The following NYAP2 variants were observed in gnomAD, a reference collection of about 807,000 sequenced individuals.
The protein encoded by NYAP2 is neuronal tyrosine-phosphorylated phosphoinositide-3-kinase adapter 2.
NYAP2 carries 23 observed loss-of-function variants against 50.4 expected under a neutral mutation model. That is an observed-to-expected ratio of 0.46 (90% CI 0.33 to 0.65). The LOEUF (loss-of-function observed/expected upper bound fraction) is 0.65, where lower values mean the gene tolerates loss of function less well. NYAP2 is among the 30% of genes least tolerant of loss of function. The pLI, the probability that NYAP2 is intolerant of heterozygous loss-of-function variation, is 0.02. For synonymous variants in NYAP2, 394 were observed against 365.2 expected (o/e 1.08, Z -0.90); for missense variants, 885 against 861.0 (o/e 1.03, Z -0.35).
chr2:225,574,309 G>A (rs1174057687), intron 4 of NYAP2, among the ~76,000 whole-genome samples: 1 of 152,158 alleles, frequency 6.6e-6, no homozygotes, highest in African/African-American at 2.4e-5. Flanking sequence ...TAGAGGAAGG[G>A]GAGGAACATA....
At chr2:225,690,373 T>A in the NYAP2 span, among the ~76,000 whole-genome samples, 1 of 152,112 alleles carries the variant, frequency 6.6e-6, no homozygotes, top group African/African-American at 2.4e-5. Context: ...AAAATTATAA[T>A]CCTTCCAGCT....
At chr2:225,662,273 G>A in the NYAP2 span, among the ~76,000 whole-genome samples, 1 of 152,178 alleles carries the variant, frequency 6.6e-6, no homozygotes, top group Non-Finnish European at 1.5e-5. Flanking sequence ...CATTTTTGTG[G>A]ACCATGGACT....
intron 3 of NYAP2, among the ~76,000 whole-genome samples, chr2:225,511,479 A>G (rs1690817668): frequency 6.6e-6 from 1 of 152,018 alleles, no homozygotes; most frequent in Non-Finnish European, 1.5e-5. Context: ...CTTGGACTCC[A>G]TTCATGCTTC....
intron 6 of NYAP2, among the ~76,000 whole-genome samples, chr2:225,640,907 T>C (rs778879846): frequency 1.3e-5 from 2 of 152,224 alleles, no homozygotes; most frequent in Non-Finnish European, 2.9e-5. Flanking sequence ...TACAACTTGA[T>C]AGTAATTTCA....
intron 3 of NYAP2, among the ~76,000 whole-genome samples, chr2:225,512,875 T>TTCTTTCTTTCTA (rs1690855574): frequency 6.8e-6 from 1 of 146,268 alleles, no homozygotes; most frequent in Non-Finnish European, 1.5e-5. Flanking sequence ...CTTCCTTCCT[T>TTCTTTCTTTCTA]CCTTCCTTCC....
intron 4 of NYAP2, among the ~76,000 whole-genome samples, chr2:225,551,938 A>G (rs1394614326): frequency 6.6e-6 from 1 of 152,038 alleles, no homozygotes; most frequent in African/African-American, 2.4e-5. Flanking sequence ...TCAGCCTCCC[A>G]AATAGCTGGG....
chr2:225,521,742 G>A (rs1191396706), intron 4 of NYAP2, among the ~76,000 whole-genome samples: 2 of 151,676 alleles, frequency 1.3e-5, no homozygotes, highest in African/African-American at 4.8e-5. Flanking sequence ...TCTCTTTTTT[G>A]GTTGTGTCTC....
At chr2:225,680,251 T>C in the NYAP2 span, among the ~76,000 whole-genome samples, 1 of 152,212 alleles carries the variant, frequency 6.6e-6, no homozygotes, top group Non-Finnish European at 1.5e-5. Context: ...AGGATATCTC[T>C]GGCAGAATGT....
At chr2:225,399,641 G>A (rs778629181), upstream of NYAP2, 3 of 151,968 alleles carry the variant, frequency 2.0e-5, no homozygotes, top group Admixed American at 6.6e-5. Flanking sequence ...CAGGTGGCAT[G>A]AAGCTGTTTT....
chr2:225,649,621 C>T (rs1693696103), intron 6 of NYAP2, among the ~76,000 whole-genome samples: 1 of 152,238 alleles, frequency 6.6e-6, no homozygotes, highest in African/African-American at 2.4e-5. Context: ...CCACCCGCAT[C>T]AGCCCCACAA....
At chr2:225,415,141 G>T (rs888913542) in intron 3 of NYAP2, among the ~76,000 whole-genome samples, 3 of 151,996 alleles carry the variant, frequency 2.0e-5, no homozygotes, top group African/African-American at 7.3e-5. Context: ...TCTATATGAG[G>T]TTATATTTCC....
At chr2:225,500,430 T>C (rs1469236759) in intron 3 of NYAP2, among the ~76,000 whole-genome samples, 1 of 152,246 alleles carries the variant, frequency 6.6e-6, no homozygotes, top group Non-Finnish European at 1.5e-5. Context: ...CTAGGATTTC[T>C]GGATCTGTCT....
At chr2:225,595,335 A>G (rs772546338) in intron 5 of NYAP2, among the ~76,000 whole-genome samples, 2 of 152,186 alleles carry the variant, frequency 1.3e-5, no homozygotes, top group African/African-American at 4.8e-5. Context: ...TGTCACAACT[A>G]AGAAATCTAG....
chr2:225,492,742 A>G (rs1436071087), intron 3 of NYAP2, among the ~76,000 whole-genome samples: 1 of 152,096 alleles, frequency 6.6e-6, no homozygotes, highest in African/African-American at 2.4e-5. Context: ...TGAGAGAGGG[A>G]ACAAGAGAGG....
At chr2:225,414,973 A>AT (rs920304549) in intron 3 of NYAP2, among the ~76,000 whole-genome samples, 77 of 151,756 alleles carry the variant, frequency 5.1e-4, no homozygotes, top group African/African-American at 1.3e-3. Flanking sequence ...TAAGGGTAGG[A>AT]TTTTTTTTTC....
At chr2:225,454,660 T>C (rs1298495289) in intron 3 of NYAP2, among the ~76,000 whole-genome samples, 1 of 152,138 alleles carries the variant, frequency 6.6e-6, no homozygotes, top group African/African-American at 2.4e-5. Flanking sequence ...TAGGTTCTCA[T>C]AGGAGCATGA....
intron 4 of NYAP2, among the ~76,000 whole-genome samples, chr2:225,527,574 C>A (rs1273899418): frequency 6.6e-6 from 1 of 152,150 alleles, no homozygotes; most frequent in African/African-American, 2.4e-5. Context: ...TGATTCTGTC[C>A]TTTCAGGTAA....
intron 4 of NYAP2, among the ~76,000 whole-genome samples, chr2:225,568,914 T>A (rs1692013175): frequency 6.6e-6 from 1 of 151,926 alleles, no homozygotes; most frequent in African/African-American, 2.4e-5. Context: ...TTCCTGAAAA[T>A]CAACTAAAAA....
chr2:225,692,577 AT>A, the NYAP2 span, among the ~76,000 whole-genome samples: 1 of 151,988 alleles, frequency 6.6e-6, no homozygotes, highest in African/African-American at 2.4e-5. Flanking sequence ...AGCAACATGT[AT>A]TTTTTATATA....
Sources: gnomAD v4.1 joint callset for allele counts (sites outside exome capture counted in the v4.1 genomes callset) on GRCh38, gnomAD v4.1.1 for gene constraint, MANE v1.5 for transcripts, NCBI Gene and HGNC (gene_info 2026-07-23, HGNC 2026-07-21) for gene names.